NBEA: variants seen among roughly 807,000 people sequenced by gnomAD.
The protein encoded by NBEA is neurobeachin.
Under a neutral mutation model 343.4 loss-of-function variants are expected in NBEA, and 44 were observed. That is an observed-to-expected ratio of 0.13 (90% CI 0.10 to 0.16). NBEA has a LOEUF of 0.16. NBEA is among the 10% of genes least tolerant of loss of function. The pLI is 1.00. For synonymous variants in NBEA, 1,175 were observed against 1,238.7 expected (o/e 0.95, Z 1.08); for missense variants, 2,555 against 3,631.3 (o/e 0.70, Z 7.62).
chr13:35,603,537 T>C (rs1010221345), intron 47 of NBEA, among the ~76,000 whole-genome samples: 4 of 152,178 alleles, frequency 2.6e-5, no homozygotes, highest in African/African-American at 9.6e-5. Context: ...GGAAATAATA[T>C]ATGAAAAACA....
In NBEA at chr13:35,670,905, C is replaced by G; in HGVS notation, c.8818C>G (p.Leu2940Val). 2 of 1,592,040 alleles carry G rather than the reference C, an allele frequency of 1.3e-6. No individual in the cohort carries two copies. Among genetic ancestry groups the G allele is most frequent in the South Asian group, 2.3e-5 (2 of 87,366 alleles). ...CTGCTGTTTCTGCTTTTCCAGGACTCTGATCACTGGCATGGCTTCTGGTAG... is the reference window on the plus strand; with the variant it reads ...CTGCTGTTTCTGCTTTTCCAGGACTGTGATCACTGGCATGGCTTCTGGTAG... Reference protein sequence around the residue: ...AMDLSHDQRTLITGMASGSIV... With the variant: ...AMDLSHDQRTVITGMASGSIV... The change falls in exon 59 of 59, where the codon CTG becomes GTG. Residue 2940 changes from leucine to valine, a missense_variant. This residue lies in a region of NBEA where 186 missense variants were observed against 328.9 expected (regional missense o/e 0.57). Transcript: ENST00000379939.
At chr13:35,023,084 A>G (rs1253924656) in intron 1 of NBEA, among the ~76,000 whole-genome samples, 1 of 152,196 alleles carries the variant, frequency 6.6e-6, no homozygotes, top group African/African-American at 2.4e-5. Context: ...TCAGGAAGAC[A>G]GAATAAAGAA....
At chr13:35,668,270 G>C in intron 57 of NBEA, 98 bp from the exon 58 acceptor site, 2 of 1,198,026 alleles carry the variant, frequency 1.7e-6, no homozygotes, top group Non-Finnish European at 1.2e-6. Context: ...CTTTTCAGTA[G>C]TGACAGTTGG....
chr13:35,055,263 C>G (rs1241141318), intron 6 of NBEA, among the ~76,000 whole-genome samples: 1 of 152,042 alleles, frequency 6.6e-6, no homozygotes, highest in African/African-American at 2.4e-5. Context: ...AGGCTATTAA[C>G]TCTCAGGAGA....
chr13:35,487,214 G>A (rs2076335208), intron 41 of NBEA, among the ~76,000 whole-genome samples: 1 of 151,844 alleles, frequency 6.6e-6, no homozygotes, highest in Non-Finnish European at 1.5e-5. Flanking sequence ...ATACTAAAAT[G>A]TGAGGAAATT....
intron 18 of NBEA, among the ~76,000 whole-genome samples, chr13:35,154,098 G>A (rs1373781566): frequency 6.6e-6 from 1 of 152,140 alleles, no homozygotes; most frequent in South Asian, 2.1e-4. Flanking sequence ...ATGAGAATGA[G>A]GGGAACGGGG....
At chr13:35,005,560 C>G (rs573056733) in intron 1 of NBEA, among the ~76,000 whole-genome samples, 37 of 152,162 alleles carry the variant, frequency 2.4e-4, no homozygotes, top group Non-Finnish European at 4.1e-4. Flanking sequence ...GGTAAAATAT[C>G]AGACCCTTTG....
intron 13 of NBEA, among the ~76,000 whole-genome samples, chr13:35,116,278 G>A (rs2066487489): frequency 6.6e-6 from 1 of 152,140 alleles, no homozygotes; most frequent in Admixed American, 6.5e-5. Context: ...TGGTTGACGG[G>A]TTTCCCTGTC....
intron 30 of NBEA, among the ~76,000 whole-genome samples, chr13:35,186,849 G>T (rs114806502): frequency 6.6e-6 from 1 of 151,886 alleles, no homozygotes; most frequent in Non-Finnish European, 1.5e-5. Context: ...GTTCACTTTC[G>T]GTGAACAACA....
chr13:35,379,029 G>A (rs1594412563), intron 38 of NBEA, among the ~76,000 whole-genome samples: 1 of 150,858 alleles, frequency 6.6e-6, no homozygotes, highest in Non-Finnish European at 1.5e-5. Context: ...TATATTTATT[G>A]TACAGATTTT....
intron 49 of NBEA, 54 bp from the exon 50 acceptor site, chr13:35,645,815 T>G: frequency 1.7e-6 from 2 of 1,146,988 alleles, no homozygotes; most frequent in Admixed American, 2.5e-5. Flanking sequence ...TTTCTGAATT[T>G]TATTTTGTAT....
chr13:35,094,274 A>G (rs532845195), intron 10 of NBEA, among the ~76,000 whole-genome samples: 2 of 152,126 alleles, frequency 1.3e-5, no homozygotes, highest in East Asian at 1.9e-4. Context: ...TTTTATCAGG[A>G]TGAAGAAAAA....
At chr13:35,198,790 T>C (rs2072810717) in intron 31 of NBEA, among the ~76,000 whole-genome samples, 1 of 151,460 alleles carries the variant, frequency 6.6e-6, no homozygotes, top group African/African-American at 2.4e-5. Context: ...GGGGCGCTGA[T>C]GACGGATTGA....
intron 33 of NBEA, among the ~76,000 whole-genome samples, chr13:35,211,496 T>C (rs540623747): frequency 1.3e-5 from 2 of 152,178 alleles, no homozygotes; most frequent in African/African-American, 4.8e-5. Context: ...TTGGGCATCT[T>C]TGGGGGGTGA....
rs2084297335 is a variant in NBEA, at chr13:35,647,590, A to G, written c.7770+1242A>G. The stretch of plus-strand genomic sequence containing the variant: ...TGCTTTTTGTTGTTGTTGTTTTGAG[A>G]CAGAATCTCACTGTCACCCAGGCTG... On this transcript the variant is annotated intron_variant, in intron 51 of 58. Transcript: ENST00000379939. 2.0e-5 allele frequency among the ~76,000 whole-genome samples: 3 copies of G among 152,116 alleles called. No individual in the cohort carries two copies. In the South Asian group the frequency reaches 6.2e-4, roughly 32 times the overall value.
chr13:35,121,184 A>G (rs1297260535), intron 16 of NBEA, among the ~76,000 whole-genome samples: 1 of 151,852 alleles, frequency 6.6e-6, no homozygotes, highest in Non-Finnish European at 1.5e-5. Flanking sequence ...GGCTTATGGC[A>G]GCCTCCACCT....
chr13:35,426,286 C>A (rs1375859378), intron 38 of NBEA, among the ~76,000 whole-genome samples: 1 of 152,120 alleles, frequency 6.6e-6, no homozygotes, highest in African/African-American at 2.4e-5. Context: ...TGGCTGCTGC[C>A]GGTTGTTCCT....
At chr13:35,464,172 GA>G (rs1361010935) in intron 40 of NBEA, among the ~76,000 whole-genome samples, 3 of 152,066 alleles carry the variant, frequency 2.0e-5, no homozygotes, top group South Asian at 2.1e-4. Flanking sequence ...GTGTGACCCA[GA>G]AAAAGGGTAA....
chr13:34,958,704 G>A (rs1261608590), intron 1 of NBEA, among the ~76,000 whole-genome samples: 1 of 152,094 alleles, frequency 6.6e-6, no homozygotes, highest in Admixed American at 6.6e-5. Flanking sequence ...TAAGAGAAAA[G>A]GTGGAGGAAG....
Sources: gnomAD v4.1 joint callset for allele counts (sites outside exome capture counted in the v4.1 genomes callset) on GRCh38, gnomAD v4.1.1 for gene constraint, gnomAD v4.1.1 regional missense constraint, MANE v1.5 for transcripts, NCBI Gene and HGNC (gene_info 2026-07-23, HGNC 2026-07-21) for gene names.